The following MIGA1 variants were observed in gnomAD, a reference collection of about 807,000 sequenced individuals.
The protein encoded by MIGA1 is family with sequence similarity 73, member A.
MIGA1 carries 58 observed loss-of-function variants against 82.0 expected under a neutral mutation model. The ratio of observed to expected loss-of-function variants is 0.71; its 90% CI spans 0.57 to 0.88. The LOEUF is 0.88. Among genes scored for constraint, MIGA1 ranks in the 40% least tolerant of loss-of-function variants. The probability of loss-of-function intolerance (pLI) is 0.00; values close to 1 mark genes in which losing one functional copy is unlikely to be tolerated. For synonymous variants in MIGA1, 249 were observed against 253.6 expected (o/e 0.98, Z 0.17); for missense variants, 751 against 749.1 (o/e 1.00, Z -0.03).
chr1:77,781,942 A>C (rs1009330341), intron 1 of MIGA1, among the ~76,000 whole-genome samples: 6 of 152,140 alleles, frequency 3.9e-5, no homozygotes, highest in Non-Finnish European at 5.9e-5. Flanking sequence ...AAAAGAGAAC[A>C]TAGAAATGTA....
chr1:77,811,902 C>A, intron 5 of MIGA1: 1 of 1,427,748 alleles, frequency 7.0e-7, no homozygotes, highest in Non-Finnish European at 9.1e-7. Context: ...ACGGCCACCA[C>A]CGCCACCTGC....
intron 13 of MIGA1, among the ~76,000 whole-genome samples, chr1:77,865,407 A>G (rs975634701): frequency 1.3e-5 from 2 of 152,186 alleles, no homozygotes; most frequent in South Asian, 2.1e-4. Context: ...CCTGGGCAAC[A>G]TAGTGACACC....
intron 7 of MIGA1, among the ~76,000 whole-genome samples, chr1:77,837,814 T>G (rs1684487237): frequency 6.6e-6 from 1 of 152,216 alleles, no homozygotes; most frequent in South Asian, 2.1e-4. Flanking sequence ...TTATGAGTGG[T>G]ATATACTTGG....
chr1:77,792,312 GA>G (rs1219647578), intron 2 of MIGA1, among the ~76,000 whole-genome samples: 2 of 152,182 alleles, frequency 1.3e-5, no homozygotes, highest in South Asian at 4.1e-4. Context: ...CTGAGTTACA[GA>G]TTATCAGTTT....
intron 7 of MIGA1, among the ~76,000 whole-genome samples, chr1:77,831,268 A>G (rs1471972775): frequency 2.0e-5 from 3 of 152,178 alleles, no homozygotes; most frequent in Admixed American, 1.3e-4. Context: ...TCACGTAAGA[A>G]GATATGTACA....
intron 7 of MIGA1, among the ~76,000 whole-genome samples, chr1:77,819,097 A>AT: frequency 6.6e-6 from 1 of 151,268 alleles, no homozygotes; most frequent in East Asian, 1.9e-4. Flanking sequence ...AAAAAAAAAA[A>AT]GAAAAAGAAA....
At chr1:77,839,463 C>A (rs940968277) in intron 7 of MIGA1, among the ~76,000 whole-genome samples, 1 of 151,796 alleles carries the variant, frequency 6.6e-6, no homozygotes, top group Admixed American at 6.6e-5. Context: ...CTTGAACTTA[C>A]GGGCTCAAGC....
rs546740875 is a variant in MIGA1, at chr1:77,844,936, C to T, written c.996+1529C>T. Among the ~76,000 whole-genome samples the T allele has an allele frequency of 6.6e-5, 10 of 152,242 alleles. No individual in the cohort carries two copies. In the East Asian group the frequency reaches 1.4e-3, roughly 21 times the overall value. ...GATGGAGGTTGCAGTGTGCCAAGAT[C>T]GCACCACTGCACTGCAGCCTGGTCA... On this transcript the variant is annotated intron_variant, in intron 8 of 15. Transcript: ENST00000370791.
intron 7 of MIGA1, among the ~76,000 whole-genome samples, chr1:77,840,583 C>T (rs538074477): frequency 2.0e-5 from 3 of 152,226 alleles, no homozygotes; most frequent in East Asian, 3.9e-4. Flanking sequence ...GAGGCGGAGG[C>T]GGGCGGGTCA....
At chr1:77,830,211 A>G (rs1437193223) in intron 7 of MIGA1, among the ~76,000 whole-genome samples, 2 of 152,160 alleles carry the variant, frequency 1.3e-5, no homozygotes, top group Non-Finnish European at 1.5e-5. Flanking sequence ...TTTTCATAAT[A>G]GTAACCTTTA....
chr1:77,839,309 T>A (rs1343643179), intron 7 of MIGA1, among the ~76,000 whole-genome samples: 1 of 152,074 alleles, frequency 6.6e-6, no homozygotes, highest in Non-Finnish European at 1.5e-5. Flanking sequence ...TTTAGGATTT[T>A]TTTTTTTTTG....
At chr1:77,784,504 G>A (rs1416341703) in intron 2 of MIGA1, among the ~76,000 whole-genome samples, 1 of 152,156 alleles carries the variant, frequency 6.6e-6, no homozygotes, top group East Asian at 1.9e-4. Context: ...GGGATTATAG[G>A]TGTCAGCTGG....
At position 77,878,796 on chromosome 1, in the gene MIGA1, T is replaced by C. The variant is rs552103038; in HGVS notation, c.*3732T>C. ...ATTAAGTATCAAAATGGAATTATCT[T>C]TTAAAAAAGAAGACAAGTTTTCCAT... On this transcript the variant is annotated 3_prime_UTR_variant, in exon 16 of 16. Transcript: ENST00000370791. 21 of 384,338 alleles carry C rather than the reference T, an allele frequency of 5.5e-5. No homozygotes were observed. Among genetic ancestry groups the C allele is most frequent in the African/African-American group, 4.1e-4 (20 of 48,468 alleles). 23.8% of individuals were successfully genotyped at this position (384,338 alleles called of 1,614,324 possible).
At chr1:77,834,848 G>A (rs1401392666) in intron 7 of MIGA1, among the ~76,000 whole-genome samples, 2 of 152,212 alleles carry the variant, frequency 1.3e-5, no homozygotes, top group East Asian at 3.8e-4. Context: ...GAAAGGACAA[G>A]GTTCCAAGTC....
intron 10 of MIGA1, 109 bp from the exon 11 acceptor site, chr1:77,859,931 A>G (rs1334911833): frequency 1.5e-6 from 1 of 678,380 alleles, no homozygotes; most frequent in Non-Finnish European, 2.5e-6. Context: ...TTGAAATAGC[A>G]CCACATGCAA....
In MIGA1 at chr1:77,803,382, A is replaced by G. The variant is rs770932184; in HGVS notation, c.486A>G (p.Ser162=). Residue 162 remains serine, a synonymous_variant, in exon 4 of 16, where the codon TCA becomes TCG. Transcript: ENST00000370791. ...ATGGAGGACTTTTCAGTAAATATTC[A>G]GGTTCTGCACAGAGTTTGGCCTCTG... 1.1e-5 allele frequency: 17 copies of G among 1,561,192 alleles called. No individual in the cohort carries two copies. In the South Asian group the frequency reaches 2.1e-4, roughly 19 times the overall value.
chr1:77,848,101 A>G (rs1684911906), intron 8 of MIGA1: 1 of 1,312,456 alleles, frequency 7.6e-7, no homozygotes, highest in Admixed American at 1.7e-5. Context: ...CACCAACAGA[A>G]GCAATCCAGA....
intron 1 of MIGA1, 71 bp downstream of exon 1, chr1:77,779,807 T>C (rs938305200): frequency 5.3e-5 from 79 of 1,492,782 alleles, no homozygotes; most frequent in Non-Finnish European, 6.8e-5. Context: ...GGCCACGCAG[T>C]TGGGGCAGAG....
intron 8 of MIGA1, among the ~76,000 whole-genome samples, chr1:77,857,233 A>G (rs1247014143): frequency 6.6e-6 from 1 of 151,828 alleles, no homozygotes; most frequent in African/African-American, 2.4e-5. Context: ...ACTGTGGTCT[A>G]AGAGAGTGCT....
Sources: allele counts gnomAD v4.1 joint callset (sites outside exome capture counted in the v4.1 genomes callset), GRCh38; gene constraint gnomAD v4.1.1; transcripts MANE v1.5; gene names NCBI Gene and HGNC (gene_info 2026-07-23, HGNC 2026-07-21).